The following TMEM178B variants were observed in gnomAD, a reference collection of about 807,000 sequenced individuals.
The protein encoded by TMEM178B is transmembrane protein 178B.
In TMEM178B, 5 loss-of-function variants were observed where a neutral mutation model predicts 31.0. The ratio of observed to expected loss-of-function variants is 0.16; its 90% CI spans 0.08 to 0.34. The LOEUF is 0.34. Ranked by LOEUF, TMEM178B falls within the 10% of genes least tolerant of loss-of-function variation. The pLI, the probability that TMEM178B is intolerant of heterozygous loss-of-function variation, is 1.00. For missense variants in TMEM178B, 275 were observed against 400.3 expected, an observed-to-expected ratio of 0.69 and a Z score of 2.67; for synonymous variants, 164 against 164.0, an observed-to-expected ratio of 1.00 and a Z score of 0.00.
chr7:141,089,237 A>T (rs1046975475), intron 1 of TMEM178B, among the ~76,000 whole-genome samples: 3 of 152,226 alleles, frequency 2.0e-5, no homozygotes, highest in African/African-American at 7.2e-5. Context: ...GGATGAGGGG[A>T]CATCCAGCAA....
At chr7:141,442,306 G>A (rs1266205170) in intron 3 of TMEM178B, among the ~76,000 whole-genome samples, 1 of 152,116 alleles carries the variant, frequency 6.6e-6, no homozygotes, top group Non-Finnish European at 1.5e-5. Flanking sequence ...TTTTGTCTAG[G>A]CTAATGCTGG....
chr7:141,217,561 T>C (rs1475090556), intron 2 of TMEM178B, among the ~76,000 whole-genome samples: 4 of 152,092 alleles, frequency 2.6e-5, no homozygotes, highest in African/African-American at 7.2e-5. Flanking sequence ...CAGACACCCA[T>C]TGGAAGGTAT....
At chr7:141,269,191 A>G (rs1798141868) in intron 2 of TMEM178B, among the ~76,000 whole-genome samples, 1 of 151,746 alleles carries the variant, frequency 6.6e-6, no homozygotes, top group Admixed American at 6.6e-5. Flanking sequence ...CCCGGGTTCA[A>G]GCAATTCTCA....
chr7:141,166,474 T>C (rs2129182276), intron 1 of TMEM178B, among the ~76,000 whole-genome samples: 1 of 152,326 alleles, frequency 6.6e-6, no homozygotes, highest in South Asian at 2.1e-4. Flanking sequence ...ACATATTTAG[T>C]CTTCATAAAG....
intron 3 of TMEM178B, among the ~76,000 whole-genome samples, chr7:141,469,908 A>G (rs2116729674): frequency 6.6e-6 from 1 of 152,350 alleles, no homozygotes; most frequent in East Asian, 1.9e-4. Flanking sequence ...ATGGGTGAGA[A>G]GTCATGAGTA....
intron 1 of TMEM178B, among the ~76,000 whole-genome samples, chr7:141,120,258 A>T (rs1795387901): frequency 6.6e-6 from 1 of 152,230 alleles, no homozygotes; most frequent in Non-Finnish European, 1.5e-5. Flanking sequence ...AGGAAATGGT[A>T]ATATGCAATT....
chr7:141,112,355 C>T (rs1440140787), intron 1 of TMEM178B, among the ~76,000 whole-genome samples: 1 of 152,092 alleles, frequency 6.6e-6, no homozygotes, highest in Non-Finnish European at 1.5e-5. Context: ...TGGGCTCAAG[C>T]AATCCTCTCA....
chr7:141,093,458 G>A (rs1563085577), intron 1 of TMEM178B, among the ~76,000 whole-genome samples: 1 of 152,174 alleles, frequency 6.6e-6, no homozygotes. Flanking sequence ...TGCTCAAGGG[G>A]AGATATCAAG....
intron 1 of TMEM178B, among the ~76,000 whole-genome samples, chr7:141,193,497 T>G (rs1391746321): frequency 1.3e-5 from 2 of 152,200 alleles, no homozygotes; most frequent in African/African-American, 4.8e-5. Flanking sequence ...TCTGGATGCC[T>G]GGGGTCCCAG....
intron 3 of TMEM178B, among the ~76,000 whole-genome samples, chr7:141,438,307 G>A (rs1193175472): frequency 6.6e-6 from 1 of 152,106 alleles, no homozygotes; most frequent in Non-Finnish European, 1.5e-5. Flanking sequence ...CCACTCCAGT[G>A]TCCCTCTAAA....
intron 1 of TMEM178B, among the ~76,000 whole-genome samples, chr7:141,196,462 C>T (rs753464484): frequency 5.9e-5 from 9 of 152,232 alleles, no homozygotes; most frequent in Non-Finnish European, 1.2e-4. Flanking sequence ...TTCTATTTCC[C>T]CTGTCTTTAC....
At chr7:141,387,156 TGAA>T (rs1466993438) in intron 2 of TMEM178B, among the ~76,000 whole-genome samples, 1 of 152,154 alleles carries the variant, frequency 6.6e-6, no homozygotes, top group Admixed American at 6.5e-5. Context: ...CTTCCTGCTT[TGAA>T]GGAAGATATG....
chr7:141,175,980 A>C (rs1296922497), intron 1 of TMEM178B, among the ~76,000 whole-genome samples: 1 of 152,194 alleles, frequency 6.6e-6, no homozygotes, highest in African/African-American at 2.4e-5. Context: ...CCTGGCCAGA[A>C]CTTCTAATAC....
At chr7:141,446,449 G>C (rs1359357418) in intron 3 of TMEM178B, among the ~76,000 whole-genome samples, 1 of 152,238 alleles carries the variant, frequency 6.6e-6, no homozygotes, top group African/African-American at 2.4e-5. Flanking sequence ...TGCTAAGACA[G>C]AGCAGCCCCT....
intron 2 of TMEM178B, among the ~76,000 whole-genome samples, chr7:141,261,104 A>T (rs1798005055): frequency 6.6e-6 from 1 of 152,220 alleles, no homozygotes; most frequent in Admixed American, 6.5e-5. Flanking sequence ...TTAAAAAGAA[A>T]TCCAAAATTA....
At chr7:141,108,222 A>G (rs1795177322) in intron 1 of TMEM178B, among the ~76,000 whole-genome samples, 2 of 152,206 alleles carry the variant, frequency 1.3e-5, no homozygotes, top group African/African-American at 4.8e-5. Flanking sequence ...ATTAGCTGGG[A>G]CAAGAAGGGA....
intron 2 of TMEM178B, among the ~76,000 whole-genome samples, chr7:141,262,552 C>CA (rs1440549542): frequency 7.0e-6 from 1 of 143,824 alleles, no homozygotes; most frequent in East Asian, 2.0e-4. Flanking sequence ...AATGGCAAAG[C>CA]AAAAATGGAA....
intron 2 of TMEM178B, among the ~76,000 whole-genome samples, chr7:141,328,669 A>G (rs1391685839): frequency 1.3e-5 from 2 of 152,210 alleles, no homozygotes; most frequent in African/African-American, 4.8e-5. Context: ...TGCTCAGAAG[A>G]CGTTGAAGCT....
At position 141,422,379 on chromosome 7, in the gene TMEM178B, T is replaced by C. The variant is rs1473570857; in HGVS notation, c.497-15229T>C. On this transcript the variant is annotated intron_variant, in intron 2 of 3. Coordinates refer to ENST00000565468, the MANE Select transcript of TMEM178B (RefSeq NM_001195278.2). This position sits in a 1 kb window ranked among gnomAD's most constrained non-coding sequence, Gnocchi z 4.2. ...TGGGGAGGACACCTTCCAGCTGAGC[T>C]GGTTCTGCTCCCACTTCACCTCCCA... is the stretch of plus-strand genomic sequence containing the variant. 6.6e-6 allele frequency among the ~76,000 whole-genome samples: 1 copy of C among 152,264 alleles called. No individual in the cohort carries two copies.
Sources: gnomAD v4.1 joint callset for allele counts (sites outside exome capture counted in the v4.1 genomes callset) on GRCh38, gnomAD v4.1.1 for gene constraint, Gnocchi (gnomAD v3.1) non-coding constraint, MANE v1.5 for transcripts, NCBI Gene and HGNC (gene_info 2026-07-23, HGNC 2026-07-21) for gene names.